Variants in SEC14L5 observed in about 807,000 individuals in gnomAD.
SEC14L5 encodes SEC14-like protein 5.
A neutral mutation model predicts 84.6 loss-of-function variants in SEC14L5; 96 were observed. That is an observed-to-expected ratio of 1.13 (90% CI 0.96 to 1.34). The LOEUF (loss-of-function observed/expected upper bound fraction) is 1.34, where lower values mean the gene tolerates loss of function less well. Among genes scored for constraint, SEC14L5 ranks in the 40% most tolerant of loss-of-function variants. SEC14L5 has a pLI of 0.00. For missense variants in SEC14L5, 1,224 were observed against 942.5 expected (o/e 1.30, Z -3.91); for synonymous variants, 546 against 383.4 (o/e 1.42, Z -4.95).
In SEC14L5 at chr16:4,988,172, C is replaced by T; in HGVS notation, c.237C>T (p.Val79=). The T allele has an allele frequency of 6.2e-7, 1 of 1,606,200 alleles. No homozygotes were observed. Among genetic ancestry groups the T allele is most frequent in the Non-Finnish European group, 8.5e-7 (1 of 1,176,176 alleles). Residue 79 remains valine (V), a synonymous_variant, in exon 4 of 16, where the codon GTC becomes GTT. Coordinates refer to ENST00000251170, the MANE Select transcript of SEC14L5 (RefSeq NM_014692.2). ...AGATCGCAGGTGTTGAGCACGTGGT[C>T]TTCGTGCAGACAAACATCTTGAACT... ...LRKIAGVEHV[V]FVQTNILNWK...
At chr16:4,969,679 C>T (rs554115874) in intron 2 of SEC14L5, among the ~76,000 whole-genome samples, 15 of 152,174 alleles carry the variant, frequency 9.9e-5, no homozygotes, top group South Asian at 6.2e-4. Flanking sequence ...CTACTGTGAC[C>T]GGCCTGATCT....
intron 14 of SEC14L5, 121 bp downstream of exon 14, chr16:5,008,769 C>G (rs1955765791): frequency 2.4e-6 from 2 of 848,376 alleles, no homozygotes; most frequent in African/African-American, 3.5e-5. Flanking sequence ...CTCAGGGACC[C>G]TGCAGGACAG....
chr16:4,959,161 A>G, intron 1 of SEC14L5, 112 bp from the exon 2 acceptor site: 2 of 623,838 alleles, frequency 3.2e-6, no homozygotes, highest in Admixed American at 2.7e-5. Context: ...TCTCAATTTG[A>G]AGGCTGGGGA....
At chr16:5,005,454 A>G (rs1263019872) in intron 11 of SEC14L5, among the ~76,000 whole-genome samples, 3 of 152,028 alleles carry the variant, frequency 2.0e-5, no homozygotes, top group Non-Finnish European at 2.9e-5. Context: ...TGGGGTGATG[A>G]ACATGTCTAG....
intron 8 of SEC14L5, 76 bp downstream of exon 8, chr16:4,997,120 A>G (rs1387185157): frequency 5.5e-6 from 6 of 1,089,192 alleles, no homozygotes; most frequent in African/African-American, 3.2e-5. Flanking sequence ...TTATTTTGAG[A>G]TGGGGTCTCA....
intron 13 of SEC14L5, among the ~76,000 whole-genome samples, chr16:5,007,907 CTTTTTT>C (rs1191230078): frequency 9.1e-6 from 1 of 110,104 alleles, no homozygotes; most frequent in Non-Finnish European, 1.8e-5. Context: ...CGCCTGGCCT[CTTTTTT>C]TTTTTTTTTT....
intron 10 of SEC14L5, among the ~76,000 whole-genome samples, chr16:5,002,527 C>A (rs1222150751): frequency 6.6e-6 from 1 of 152,026 alleles, no homozygotes; most frequent in African/African-American, 2.4e-5. Context: ...TAGAGATTTT[C>A]TAAGGACACG....
chr16:4,960,818 A>G (rs909085066), intron 2 of SEC14L5: 73 of 152,370 alleles, frequency 4.8e-4, no homozygotes, highest in African/African-American at 1.6e-3. Context: ...ACTGAGATCC[A>G]GCTATGATCG....
chr16:4,959,164 G>C, intron 1 of SEC14L5, 109 bp from the exon 2 acceptor site: 4 of 632,548 alleles, frequency 6.3e-6, no homozygotes, highest in South Asian at 3.6e-5. Flanking sequence ...CAATTTGAAG[G>C]CTGGGGAGCT....
At chr16:4,997,576 C>T (rs866830959) in intron 8 of SEC14L5, among the ~76,000 whole-genome samples, 1 of 152,168 alleles carries the variant, frequency 6.6e-6, no homozygotes. Context: ...CCCACAATTA[C>T]TCACAATAAT....
rs906901704 is a variant in SEC14L5 at position 5,015,487 on chromosome 16, G to A, written c.*517G>A. ...ACCAATCACAGTTGCCAGGCACACT[G>A]GAGAATGCTGATTGGCCAGCAGGGT... is the stretch of plus-strand genomic sequence containing the variant. On this transcript the variant is annotated 3_prime_UTR_variant, in exon 16 of 16. Transcript: ENST00000251170. The A allele has an allele frequency of 2.6e-5, 4 of 156,518 alleles. No individual in the cohort carries two copies. The highest frequency in any genetic ancestry group is 9.6e-5 in the African/African-American group (4 of 41,556). The allele number at this position is 156,518 out of a possible 1,614,324, so 9.7% of individuals were successfully genotyped here. A position where few individuals can be genotyped will look rare whatever the true frequency, so the allele number is the denominator to read the frequency against.
chr16:4,989,815 T>TG (rs1160911002), intron 4 of SEC14L5, among the ~76,000 whole-genome samples: 2 of 152,102 alleles, frequency 1.3e-5, no homozygotes, highest in African/African-American at 4.8e-5. Context: ...CAGCAGCACC[T>TG]GGGGCTGCTT....
At chr16:4,963,471 G>C (rs551462807) in intron 2 of SEC14L5, among the ~76,000 whole-genome samples, 47 of 152,246 alleles carry the variant, frequency 3.1e-4, no homozygotes, top group Admixed American at 2.7e-3. Flanking sequence ...TCAGCCCCCT[G>C]AGTAGCTGAG....
chr16:4,960,044 C>G (rs1045569394), intron 2 of SEC14L5, among the ~76,000 whole-genome samples: 19 of 152,170 alleles, frequency 1.2e-4, no homozygotes, highest in Non-Finnish European at 2.8e-4. Flanking sequence ...GTGATGTACT[C>G]TGTGTTGTGC....
intron 2 of SEC14L5, among the ~76,000 whole-genome samples, chr16:4,966,674 G>A (rs1430618901): frequency 2.0e-5 from 3 of 152,158 alleles, no homozygotes; most frequent in African/African-American, 7.2e-5. Context: ...AGACTAAGGA[G>A]AGGCTTATCC....
In SEC14L5 at chr16:5,018,205, C is replaced by A. The variant is rs1160746434; in HGVS notation, c.*3235C>A. The A allele has an allele frequency of 4.6e-5, 7 of 152,228 alleles. No individual in the cohort carries two copies. Among genetic ancestry groups the A allele is most frequent in the Non-Finnish European group, 8.8e-5 (6 of 68,050 alleles). The allele number at this position is 152,228 out of a possible 1,614,324, so 9.4% of individuals were successfully genotyped here. On this transcript the variant is annotated 3_prime_UTR_variant, in exon 16 of 16. Transcript: ENST00000251170. ...AGCACAGCTCCCAGAACACAGAAAG[C>A]GCTCCATTAATGTCAGTGGTCATTC...
intron 2 of SEC14L5, among the ~76,000 whole-genome samples, chr16:4,985,159 CAT>C (rs1157202065): frequency 2.0e-5 from 3 of 152,016 alleles, no homozygotes; most frequent in Non-Finnish European, 2.9e-5. Context: ...AAGATTTATT[CAT>C]ATGTTTTCTT....
At position 5,017,503 on chromosome 16, in the gene SEC14L5, G is replaced by A. The variant is rs1596651510; in HGVS notation, c.*2533G>A. On this transcript the variant is annotated 3_prime_UTR_variant, in exon 16 of 16. Coordinates refer to ENST00000251170, the MANE Select transcript of SEC14L5 (RefSeq NM_014692.2). Reference sequence around the variant, plus strand: ...GAAAGATGGCTGCCAGCAGCCCCAAGCCTATAATTTCAGGATTCACACTCT... The same window carrying A: ...GAAAGATGGCTGCCAGCAGCCCCAAACCTATAATTTCAGGATTCACACTCT... 6.6e-6 allele frequency: 1 copy of A among 152,364 alleles called. No individual in the cohort carries two copies. Among genetic ancestry groups the A allele is most frequent in the Non-Finnish European group, 1.5e-5 (1 of 68,060 alleles). 9.4% of individuals were successfully genotyped at this position (152,364 alleles called of 1,614,324 possible).
At chr16:5,000,952 C>A (rs1056570891) in intron 10 of SEC14L5, 27 bp downstream of exon 10, 3 of 1,571,186 alleles carry the variant, frequency 1.9e-6, no homozygotes, top group Admixed American at 3.6e-5. Flanking sequence ...GGCACAAATC[C>A]CCCCTAAACA....
Sources: allele counts gnomAD v4.1 joint callset (sites outside exome capture counted in the v4.1 genomes callset), GRCh38; gene constraint gnomAD v4.1.1; transcripts MANE v1.5; gene names NCBI Gene and HGNC (gene_info 2026-07-23, HGNC 2026-07-21).